Variants in LRRC26 observed in about 807,000 individuals in gnomAD.
The protein encoded by LRRC26 is leucine-rich repeat-containing protein 26.
A neutral mutation model predicts 15.3 loss-of-function variants in LRRC26; 17 were observed. The observed-to-expected ratio is 1.11, with a 90% CI of 0.76 to 1.66. The LOEUF is 1.66. LRRC26 is among the 40% of genes most tolerant of loss of function. The probability of loss-of-function intolerance (pLI) is 0.00; values close to 1 mark genes in which losing one functional copy is unlikely to be tolerated. For synonymous variants in LRRC26, 301 were observed against 272.1 expected (o/e 1.11, Z -1.05); for missense variants, 573 against 501.0 (o/e 1.14, Z -1.37).
rs1834023550 is a variant in LRRC26 at position 137,169,071 on chromosome 9, G to A, written c.788C>T (p.Ala263Val). The A allele has an allele frequency of 1.9e-6, 3 of 1,556,298 alleles. No individual in the cohort carries two copies. Among genetic ancestry groups the A allele is most frequent in the Non-Finnish European group, 2.6e-6 (3 of 1,158,260 alleles). ...GGCCGGCCCGAGCGTGTAAACCACG[G>A]CCAGGTCCCGCAGGGCGAGCGGCTG... Reference protein sequence around the residue: ...CAQPLALRDLAVVYTLGPASF... With the variant: ...CAQPLALRDLVVVYTLGPASF... The change falls in exon 2 of 2, where the codon GCC (alanine) becomes GTC (valine). Residue 263 changes from alanine (A) to valine (V), a missense_variant. Ala to Val is a moderately conservative substitution (Grantham distance 64). Transcript: ENST00000371542.
In LRRC26 at chr9:137,169,560, G is replaced by C. The variant is rs1335014572; in HGVS notation, c.384C>G (p.Ala128=). 1 of 1,524,776 alleles carries C rather than the reference G, an allele frequency of 6.6e-7. No individual in the cohort carries two copies. The highest frequency in any genetic ancestry group is 2.0e-5 in the Admixed American group (1 of 50,228). 94.5% of individuals were successfully genotyped at this position (1,524,776 alleles called of 1,614,324 possible). A position where few individuals can be genotyped will look rare whatever the true frequency, so the allele number is the denominator to read the frequency against. The part of the protein sequence containing the change: ...LGALQLLDLS[A]NQLEALAPGT... Reference sequence around the variant, plus strand: ...CTGGTGCCAGTGCTTCCAGCTGGTTGGCGCTCAGGTCCAGCAGCTGCAGCG... The same window carrying C: ...CTGGTGCCAGTGCTTCCAGCTGGTTCGCGCTCAGGTCCAGCAGCTGCAGCG... The change falls in exon 1 of 2, where the codon GCC becomes GCG. Residue 128 remains alanine (A), a synonymous_variant. Transcript: ENST00000371542.
In LRRC26 at chr9:137,168,770, G is replaced by T; in HGVS notation, c.*84C>A. On this transcript the variant is annotated 3_prime_UTR_variant, in exon 2 of 2. Coordinates refer to ENST00000371542, the MANE Select transcript of LRRC26 (RefSeq NM_001013653.3). ...GAATGTCACGCAGTTTTCGGTCTGT[G>T]TCGCTTGTTGACGCCGGCAGACAGT... 9.6e-7 allele frequency: 1 copy of T among 1,046,702 alleles called. No individual in the cohort carries two copies. Among genetic ancestry groups the T allele is most frequent in the Non-Finnish European group, 1.2e-6 (1 of 826,694 alleles). 64.8% of individuals were successfully genotyped at this position (1,046,702 alleles called of 1,614,324 possible). A position where few individuals can be genotyped will look rare whatever the true frequency, so the allele number is the denominator to read the frequency against.
In LRRC26 at chr9:137,169,131, G is replaced by T; in HGVS notation, c.728C>A (p.Thr243Asn). The T allele has an allele frequency of 6.4e-7, 1 of 1,557,636 alleles. No homozygotes were observed. ...WPGRLTLSPL[T>N]AFSDAAFSHC... ...GCTAAAGGCGGCGTCGGAAAAGGCA[G>T]TCAGGGGGCTGAGCGTCAGGCGTCC... Residue 243 changes from threonine (T) to asparagine (N), a missense_variant, in exon 2 of 2, where the codon ACT becomes AAT. By Grantham distance (65) the Thr-to-Asn change is moderately conservative (BLOSUM62 0). Transcript: ENST00000371542.
Position 137,169,507 on chromosome 9 carries a change from C to T in LRRC26, c.437G>A (p.Arg146His). The T allele has an allele frequency of 6.6e-7, 1 of 1,523,804 alleles. No homozygotes were observed. The highest frequency in any genetic ancestry group is 2.5e-5 in the East Asian group (1 of 39,284). The allele number at this position is 1,523,804 out of a possible 1,614,324, so 94.4% of individuals were successfully genotyped here. ...PGTFAPLRAL[R>H]NLSLAGNRLA... ...CCGGTTGCCGGCCAATGAGAGGTTG[C>T]GCAGCGCGCGCAGCGGCGCGAAAGT... The change falls in exon 1 of 2, where the codon CGC (arginine) becomes CAC (histidine). Residue 146 changes from arginine to histidine, a missense_variant. Physicochemically the swap from Arg to His is conservative, Grantham distance 29. Transcript: ENST00000371542.
Position 137,169,721 on chromosome 9 carries a change from C to T in LRRC26, c.223G>A (p.Ala75Thr), listed in dbSNP as rs1317667533. The change falls in exon 1 of 2, where the codon GCG becomes ACG. Residue 75 changes from alanine (A) to threonine (T), a missense_variant. Coordinates refer to ENST00000371542, the MANE Select transcript of LRRC26 (RefSeq NM_001013653.3). ...VPPGLSLRLR[A>T]LLLDHNRVRA... is the part of the protein sequence containing the mutation. The stretch of plus-strand genomic sequence containing the variant: ...ACGCGGTTGTGGTCCAGCAGCAGCG[C>T]GCGCAGGCGCAGGCTCAGGCCCGGG... 4 of 1,463,416 alleles carry T rather than the reference C, an allele frequency of 2.7e-6. No individual in the cohort carries two copies. The highest frequency in any genetic ancestry group is 5.1e-5 in the Admixed American group (2 of 39,008). The allele number at this position is 1,463,416 out of a possible 1,614,324, so 90.7% of individuals were successfully genotyped here. A position where few individuals can be genotyped will look rare whatever the true frequency, so the allele number is the denominator to read the frequency against.
Position 137,169,046 on chromosome 9 carries a change from G to A in LRRC26, c.813C>T (p.Ala271=). 2 of 1,541,668 alleles carry A rather than the reference G, an allele frequency of 1.3e-6. No homozygotes were observed. The highest frequency in any genetic ancestry group is 1.7e-6 in the Non-Finnish European group (2 of 1,151,230). ...AGGAAGCCAGGCTGACGAGGAAGGA[G>A]GCCGGCCCGAGCGTGTAAACCACGG... is the stretch of plus-strand genomic sequence containing the variant. ...DLAVVYTLGP[A]SFLVSLASCL... is the part of the protein sequence containing the mutation. Residue 271 remains alanine (A), a synonymous_variant, in exon 2 of 2, where the codon GCC becomes GCT. Transcript: ENST00000371542.
Position 137,170,049 on chromosome 9 carries a change from A to C in LRRC26, c.-106T>G. ...CCGTTCCTGCGGCGCCTGCACAAAT[A>C]TTAACTCTCTGGCCCGAGCTCAGGC... On this transcript the variant is annotated 5_prime_UTR_variant, in exon 1 of 2. Transcript: ENST00000371542. 1 of 1,271,122 alleles carries C rather than the reference A, an allele frequency of 7.9e-7. No individual in the cohort carries two copies. Among genetic ancestry groups the C allele is most frequent in the Non-Finnish European group, 1.0e-6 (1 of 986,624 alleles). The allele number at this position is 1,271,122 out of a possible 1,614,324, so 78.7% of individuals were successfully genotyped here.
chr9:137,169,905 C>A lies in LRRC26; in HGVS notation c.39G>T (p.Leu13=). 1 of 1,476,192 alleles carries A rather than the reference C, an allele frequency of 6.8e-7. No homozygotes were observed. Among genetic ancestry groups the A allele is most frequent in the Non-Finnish European group, 8.9e-7 (1 of 1,123,042 alleles). 91.4% of individuals were successfully genotyped at this position (1,476,192 alleles called of 1,614,324 possible). ...GPSWSRPRPL[L]LLLLLLSPWP... ...AAGGCGACAGCAGCAGCAACAGCAG[C>A]AGCAGCGGCCGAGGCCGCGACCAGG... Residue 13 remains leucine (L), a synonymous_variant, in exon 1 of 2, where the codon CTG becomes CTT. Coordinates refer to ENST00000371542, the MANE Select transcript of LRRC26 (RefSeq NM_001013653.3).
Position 137,168,955 on chromosome 9 carries a change from G to GGGCGGCGGTGCGGAGGC in LRRC26, c.887_903dup (p.Leu302AlafsTer?). 6 of 1,397,876 alleles carry GGGCGGCGGTGCGGAGGC rather than the reference G, an allele frequency of 4.3e-6. No homozygotes were observed. Among genetic ancestry groups the GGGCGGCGGTGCGGAGGC allele is most frequent in the Non-Finnish European group, 5.5e-6 (6 of 1,083,036 alleles). 86.6% of individuals were successfully genotyped at this position (1,397,876 alleles called of 1,614,324 possible). A position where few individuals can be genotyped will look rare whatever the true frequency, so the allele number is the denominator to read the frequency against. On this transcript the variant is annotated frameshift_variant, in exon 2 of 2. Coordinates refer to ENST00000371542, the MANE Select transcript of LRRC26 (RefSeq NM_001013653.3). LOFTEE classifies it low-confidence loss of function (END_TRUNC). ...GGGTCTGGCGGTCTCGGCGGGCGGA[G>GGGCGGCGGTGCGGAGGC]GGCGGCGGTGCGGAGGCGGCGGCGG...
Position 137,169,405 on chromosome 9 carries a change from G to C in LRRC26, c.539C>G (p.Ala180Gly). 3.3e-6 allele frequency: 5 copies of C among 1,505,950 alleles called. No homozygotes were observed. Among genetic ancestry groups the C allele is most frequent in the Non-Finnish European group, 2.6e-6 (3 of 1,136,696 alleles). 93.3% of individuals were successfully genotyped at this position (1,505,950 alleles called of 1,614,324 possible). A position where few individuals can be genotyped will look rare whatever the true frequency, so the allele number is the denominator to read the frequency against. The part of the protein sequence containing the change: ...RSLSLQDNEL[A>G]ALAPGLLGRL... ...GCCCAGCAGCCCCGGCGCGAGTGCC[G>C]CCAGCTCGTTGTCCTGCAGGCTGAG... The change falls in exon 1 of 2, where the codon GCG (alanine) becomes GGG (glycine). Residue 180 changes from alanine to glycine, a missense_variant. Transcript: ENST00000371542.
In LRRC26 at chr9:137,168,896, C is replaced by G. The variant is rs1010596926; in HGVS notation, c.963G>C (p.Ser321=). 7.9e-7 allele frequency: 1 copy of G among 1,267,866 alleles called. No individual in the cohort carries two copies. Among genetic ancestry groups the G allele is most frequent in the South Asian group, 3.1e-5 (1 of 31,848 alleles). The allele number at this position is 1,267,866 out of a possible 1,614,324, so 78.5% of individuals were successfully genotyped here. Residue 321 remains serine, a synonymous_variant, in exon 2 of 2, where the codon TCG becomes TCC. Coordinates refer to ENST00000371542, the MANE Select transcript of LRRC26 (RefSeq NM_001013653.3). The part of the protein sequence containing the change: ...NPDPDPHGCA[S]PADPGSPAAA... ...CGGCGGGGCTCCCCGGGTCCGCGGG[C>G]GAGGCACAGCCGTGGGGGTCGGGAT...
Position 137,169,536 on chromosome 9 carries a change from T to C in LRRC26, c.408A>G (p.Pro136=). The change falls in exon 1 of 2, where the codon CCA becomes CCG. Residue 136 remains proline (P), a synonymous_variant. Coordinates refer to ENST00000371542, the MANE Select transcript of LRRC26 (RefSeq NM_001013653.3). Reference sequence around the variant, plus strand: ...GCGCGCGCAGCGGCGCGAAAGTCCCTGGTGCCAGTGCTTCCAGCTGGTTGG... The same window carrying C: ...GCGCGCGCAGCGGCGCGAAAGTCCCCGGTGCCAGTGCTTCCAGCTGGTTGG... ...LSANQLEALA[P]GTFAPLRALR... 6.6e-7 allele frequency: 1 copy of C among 1,524,354 alleles called. No homozygotes were observed. Among genetic ancestry groups the C allele is most frequent in the Non-Finnish European group, 8.8e-7 (1 of 1,142,370 alleles). The allele number at this position is 1,524,354 out of a possible 1,614,324, so 94.4% of individuals were successfully genotyped here.
At position 137,169,808 on chromosome 9, in the gene LRRC26, C is replaced by A; in HGVS notation, c.136G>T (p.Val46Leu). The A allele has an allele frequency of 7.0e-7, 1 of 1,425,908 alleles. No individual in the cohort carries two copies. The highest frequency in any genetic ancestry group is 1.5e-5 in the African/African-American group (1 of 66,268). The allele number at this position is 1,425,908 out of a possible 1,614,324, so 88.3% of individuals were successfully genotyped here. ...GSLGAPDCPE[V>L]CTCVPGGLAS... Reference sequence around the variant, plus strand: ...AGGCCTCCCGGCACGCACGTGCACACCTCGGGGCAGTCCGGGGCGCCCAGG... The same window carrying A: ...AGGCCTCCCGGCACGCACGTGCACAACTCGGGGCAGTCCGGGGCGCCCAGG... Residue 46 changes from valine (V) to leucine (L), a missense_variant, in exon 1 of 2, where the codon GTG becomes TTG. Val to Leu is a conservative substitution (Grantham distance 32). Transcript: ENST00000371542.
rs1185513788 is a variant in LRRC26, at chr9:137,169,943, TG to T, written c.-1del. 8.3e-6 allele frequency: 12 copies of T among 1,437,812 alleles called. No homozygotes were observed. Among genetic ancestry groups the T allele is most frequent in the Non-Finnish European group, 1.1e-5 (12 of 1,106,998 alleles). The allele number at this position is 1,437,812 out of a possible 1,614,324, so 89.1% of individuals were successfully genotyped here. ...GGCCGCGACCAGGAAGGGCCCCGCA[TG>T]GGGGCAGCCCCCCCGCCCCCGGCAC... On this transcript the variant is annotated 5_prime_UTR_variant, in exon 1 of 2. Coordinates refer to ENST00000371542, the MANE Select transcript of LRRC26 (RefSeq NM_001013653.3).
Position 137,169,133 on chromosome 9 carries a change from CAG to C in LRRC26, c.724_725del (p.Leu242AspfsTer9), listed in dbSNP as rs745583684. The C allele has an allele frequency of 2.6e-5, 40 of 1,556,776 alleles. No homozygotes were observed. The Middle Eastern group carries it at 6.7e-4, about 26-fold the overall frequency. ...TAAAGGCGGCGTCGGAAAAGGCAGT[CAG>C]GGGGCTGAGCGTCAGGCGTCCCGGC... ...VWPGRLTLSP[L>X]TAFSDAAFSH... On this transcript the variant is annotated frameshift_variant, in exon 2 of 2. Transcript: ENST00000371542. LOFTEE classifies it low-confidence loss of function (END_TRUNC).
rs1465652016 is a variant in LRRC26 at position 137,170,012 on chromosome 9, C to T, written c.-69G>A. The T allele has an allele frequency of 6.6e-6, 9 of 1,358,584 alleles. No individual in the cohort carries two copies. The highest frequency in any genetic ancestry group is 6.6e-6 in the Non-Finnish European group (7 of 1,063,304). 84.2% of individuals were successfully genotyped at this position (1,358,584 alleles called of 1,614,324 possible). On this transcript the variant is annotated 5_prime_UTR_variant, in exon 1 of 2. Transcript: ENST00000371542. ...CTGCCTGTGCGTCCCTGGAGCCCGTCGTCCGCGGAGCCCGTTCCTGCGGCG... is the reference window on the plus strand; with the variant it reads ...CTGCCTGTGCGTCCCTGGAGCCCGTTGTCCGCGGAGCCCGTTCCTGCGGCG...
chr9:137,169,680 T>G lies in LRRC26; in HGVS notation c.264A>C (p.Pro88=). 6.7e-7 allele frequency: 1 copy of G among 1,498,818 alleles called. No homozygotes were observed. The highest frequency in any genetic ancestry group is 1.5e-5 in the African/African-American group (1 of 68,880). 92.8% of individuals were successfully genotyped at this position (1,498,818 alleles called of 1,614,324 possible). ...LDHNRVRALP[P]GAFAGAGALQ... is the part of the protein sequence containing the mutation. ...GCGCGCCCGCTCCCGCGAAGGCACC[T>G]GGCGGCAGCGCACGGACGCGGTTGT... Residue 88 remains proline, a synonymous_variant, in exon 1 of 2, where the codon CCA becomes CCC. Transcript: ENST00000371542.
chr9:137,169,644 C>T lies in LRRC26; in HGVS notation c.300G>A (p.Leu100=). Residue 100 remains leucine, a synonymous_variant, in exon 1 of 2, where the codon CTG becomes CTA. Coordinates refer to ENST00000371542, the MANE Select transcript of LRRC26 (RefSeq NM_001013653.3). ...AGTGCAGCCCGTTCTCGCGCAGGTC[C>T]AGGCGCTGTAGCGCGCCCGCTCCCG... The part of the protein sequence containing the change: ...AFAGAGALQR[L]DLRENGLHSV... 6.6e-7 allele frequency: 1 copy of T among 1,507,428 alleles called. No homozygotes were observed. Among genetic ancestry groups the T allele is most frequent in the Non-Finnish European group, 8.8e-7 (1 of 1,134,852 alleles). 93.4% of individuals were successfully genotyped at this position (1,507,428 alleles called of 1,614,324 possible).
In LRRC26 at chr9:137,170,045, A is replaced by G; in HGVS notation, c.-102T>C. The G allele has an allele frequency of 1.6e-6, 2 of 1,287,568 alleles. No homozygotes were observed. The highest frequency in any genetic ancestry group is 2.0e-6 in the Non-Finnish European group (2 of 1,001,056). The allele number at this position is 1,287,568 out of a possible 1,614,324, so 79.8% of individuals were successfully genotyped here. ...GAGCCCGTTCCTGCGGCGCCTGCAC[A>G]AATATTAACTCTCTGGCCCGAGCTC... On this transcript the variant is annotated 5_prime_UTR_variant, in exon 1 of 2. Coordinates refer to ENST00000371542, the MANE Select transcript of LRRC26 (RefSeq NM_001013653.3).
Sources: allele counts gnomAD v4.1 joint callset, GRCh38; gene constraint gnomAD v4.1.1; transcripts MANE v1.5; gene names NCBI Gene and HGNC (gene_info 2026-07-23, HGNC 2026-07-21).